Variants in PCDHA1 observed in about 807,000 individuals in gnomAD.
The protein encoded by PCDHA1 is protocadherin alpha 1.
PCDHA1 carries 42 observed loss-of-function variants against 61.3 expected under a neutral mutation model. The ratio of observed to expected loss-of-function variants is 0.69; its 90% CI spans 0.54 to 0.89. The LOEUF is 0.89. PCDHA1 is among the 40% of genes least tolerant of loss of function. The pLI, the probability that PCDHA1 is intolerant of heterozygous loss-of-function variation, is 0.00. For missense variants in PCDHA1, 1,256 were observed against 1,235.3 expected, an observed-to-expected ratio of 1.02 and a Z score of -0.25; for synonymous variants, 610 against 553.8, an observed-to-expected ratio of 1.10 and a Z score of -1.43.
Position 140,843,872 on chromosome 5 carries a change from G to A in PCDHA1, c.2394+55188G>A, listed in dbSNP as rs2150367258. ...TTTTATAATTAATTGAATTTTCTCA[G>A]TGGCATAATACAGTATTAATCATTC... On this transcript the variant is annotated intron_variant, in intron 1 of 3. Transcript: ENST00000504120. The A allele has an allele frequency of 1.5e-4, 121 of 801,174 alleles. 7 individuals carry two copies. The highest frequency in any genetic ancestry group is 2.3e-4 in the Non-Finnish European group (116 of 509,628). The allele number at this position is 801,174 out of a possible 1,614,324, so 49.6% of individuals were successfully genotyped here.
intron 3 of PCDHA1, among the ~76,000 whole-genome samples, chr5:140,984,425 A>G (rs1488284803): frequency 6.6e-6 from 1 of 152,174 alleles, no homozygotes; most frequent in Non-Finnish European, 1.5e-5. Context: ...GAGATAGAGA[A>G]GGGGATCTCC....
intron 1 of PCDHA1, chr5:140,829,370 G>T (rs1770253952): frequency 1.2e-6 from 2 of 1,614,088 alleles, no homozygotes; most frequent in African/African-American, 1.3e-5. Context: ...GGTGGTAACC[G>T]CGCGGGACGG....
rs782167817 is a variant in PCDHA1 at position 140,875,512 on chromosome 5, C to G, written c.2394+86828C>G. Reference sequence around the variant, plus strand: ...ACCAAGAGGCCCGGGATCCCAGCGTCTGCTGCTCTCGCTTCTGCTCCTTGC... The same window carrying G: ...ACCAAGAGGCCCGGGATCCCAGCGTGTGCTGCTCTCGCTTCTGCTCCTTGC... On this transcript the variant is annotated intron_variant, in intron 1 of 3. Coordinates refer to ENST00000504120, the MANE Select transcript of PCDHA1 (RefSeq NM_018900.4). 3 of 1,613,928 alleles carry G rather than the reference C, an allele frequency of 1.9e-6. No individual in the cohort carries two copies. The East Asian group carries it at 6.7e-5, about 36-fold the overall frequency.
chr5:140,841,952 T>C (rs1323540473), intron 1 of PCDHA1: 1 of 1,613,914 alleles, frequency 6.2e-7, no homozygotes, highest in African/African-American at 1.3e-5. Flanking sequence ...GCACCACTTA[T>C]TCCTGACAGC....
chr5:140,807,981 A>G, intron 1 of PCDHA1: 2 of 1,613,816 alleles, frequency 1.2e-6, no homozygotes, highest in African/African-American at 2.7e-5. Flanking sequence ...ATTAAACTTA[A>G]CGCCTCAGAT....
rs2098419648 is a variant in PCDHA1 at position 141,011,160 on chromosome 5, A to AT, written c.*1224dup. The AT allele has an allele frequency of 6.5e-6, 1 of 153,706 alleles. No homozygotes were observed. The highest frequency in any genetic ancestry group is 2.4e-5 in the African/African-American group (1 of 41,436). 9.5% of individuals were successfully genotyped at this position (153,706 alleles called of 1,614,324 possible). A position where few individuals can be genotyped will look rare whatever the true frequency, so the allele number is the denominator to read the frequency against. ...TACACAACCTTCTCTAACCAACTAT[A>AT]TATCAAGACCCAAAAATTGAAGAAA... On this transcript the variant is annotated 3_prime_UTR_variant, in exon 4 of 4. Coordinates refer to ENST00000504120, the MANE Select transcript of PCDHA1 (RefSeq NM_018900.4).
At chr5:140,930,446 C>T (rs891083222) in intron 1 of PCDHA1, 1 of 151,964 alleles carries the variant, frequency 6.6e-6, no homozygotes, top group Admixed American at 6.6e-5. Context: ...TGGTCTCAAA[C>T]TCCTAGCCTC....
chr5:140,877,243 G>A lies in PCDHA1; in HGVS notation c.2394+88559G>A, dbSNP rs201483899. ...GCGGTCGGTGGGTGCGGGCCACGTG[G>A]TGGCGAAAGTGCGCGCGGTGGACGC... On this transcript the variant is annotated intron_variant, in intron 1 of 3. Transcript: ENST00000504120. The A allele has an allele frequency of 1.2e-5, 20 of 1,613,724 alleles. No individual in the cohort carries two copies. In the African/African-American group the frequency reaches 2.7e-4, roughly 22 times the overall value.
chr5:140,882,852 T>C, intron 1 of PCDHA1: 2 of 1,614,216 alleles, frequency 1.2e-6, no homozygotes, highest in Non-Finnish European at 1.7e-6. Flanking sequence ...TTATCACTTG[T>C]ACTGAGGAAA....
At chr5:140,844,618 A>G (rs1230516172) in intron 1 of PCDHA1, among the ~76,000 whole-genome samples, 4 of 149,532 alleles carry the variant, frequency 2.7e-5, no homozygotes, top group African/African-American at 9.8e-5. Context: ...AAATGTTTTC[A>G]TCAGAAAAAC....
intron 3 of PCDHA1, among the ~76,000 whole-genome samples, chr5:141,000,228 G>C (rs994042672): frequency 3.3e-5 from 5 of 151,306 alleles, no homozygotes; most frequent in Non-Finnish European, 2.9e-5. Context: ...CCTGTGTGGA[G>C]CTGAATGTGG....
intron 1 of PCDHA1, chr5:140,853,093 A>T (rs1554146395): frequency 9.0e-6 from 3 of 333,900 alleles, no homozygotes; most frequent in Non-Finnish European, 1.3e-5. Context: ...GTTAGTCAGG[A>T]TGGTCTCGAT....
chr5:140,966,923 G>A (rs781929029), intron 1 of PCDHA1: 36 of 1,602,826 alleles, frequency 2.2e-5, no homozygotes, highest in Non-Finnish European at 3.0e-5. Context: ...AGAGGAGCAG[G>A]CACCCGGCGC....
chr5:140,811,491 T>A (rs940302653), intron 1 of PCDHA1: 17 of 152,198 alleles, frequency 1.1e-4, no homozygotes, highest in African/African-American at 4.1e-4. Flanking sequence ...GTCTTTATAG[T>A]AGCATGATTT....
At chr5:140,797,035 G>A (rs1762174350) in intron 1 of PCDHA1, 4 of 1,613,728 alleles carry the variant, frequency 2.5e-6, no homozygotes, top group Non-Finnish European at 3.4e-6. Flanking sequence ...GGGCTCAGAG[G>A]CTACGCTGGT....
intron 1 of PCDHA1, chr5:140,829,601 T>C (rs2150171012): frequency 1.2e-5 from 20 of 1,611,826 alleles, no homozygotes; most frequent in Admixed American, 6.7e-5. Flanking sequence ...CGAGCGCGCG[T>C]TGTCGAGCTA....
At chr5:140,973,921 C>T (rs1407436010) in intron 1 of PCDHA1, among the ~76,000 whole-genome samples, 1 of 152,210 alleles carries the variant, frequency 6.6e-6, no homozygotes, top group Non-Finnish European at 1.5e-5. Context: ...TGTCACCAAA[C>T]CCAGAGGTTT....
chr5:140,806,980 G>A (rs929545249), intron 1 of PCDHA1: 11 of 635,012 alleles, frequency 1.7e-5, no homozygotes, highest in Middle Eastern at 2.5e-4. Context: ...CTTACGGTTT[G>A]GAGCCACATG....
Position 140,862,324 on chromosome 5 carries a change from T to C in PCDHA1, c.2394+73640T>C, listed in dbSNP as rs536000037. On this transcript the variant is annotated intron_variant, in intron 1 of 3. Coordinates refer to ENST00000504120, the MANE Select transcript of PCDHA1 (RefSeq NM_018900.4). ...TGGGTACCGTCATAGCCCTAATCAGTGTAATTGACCCTAACTTCAGTGCCA... is the reference window on the plus strand; with the variant it reads ...TGGGTACCGTCATAGCCCTAATCAGCGTAATTGACCCTAACTTCAGTGCCA... 7 of 322,970 alleles carry C rather than the reference T, an allele frequency of 2.2e-5. No individual in the cohort carries two copies. In the East Asian group the frequency reaches 4.7e-4, roughly 22 times the overall value. 20.0% of individuals were successfully genotyped at this position (322,970 alleles called of 1,614,324 possible). A position where few individuals can be genotyped will look rare whatever the true frequency, so the allele number is the denominator to read the frequency against.
Sources: gnomAD v4.1 joint callset for allele counts (sites outside exome capture counted in the v4.1 genomes callset) on GRCh38, gnomAD v4.1.1 for gene constraint, MANE v1.5 for transcripts, NCBI Gene and HGNC (gene_info 2026-07-23, HGNC 2026-07-21) for gene names.